The following BFSP1 variants were observed in gnomAD, a reference collection of about 807,000 sequenced individuals.
The protein encoded by BFSP1 is filensin.
Under a neutral mutation model 43.9 loss-of-function variants are expected in BFSP1, and 38 were observed. That is an observed-to-expected ratio of 0.87 (90% CI 0.67 to 1.14). BFSP1 has a LOEUF of 1.14. Among genes scored for constraint, BFSP1 ranks in the 50% most tolerant of loss-of-function variants. The pLI, the probability that BFSP1 is intolerant of heterozygous loss-of-function variation, is 0.00. For synonymous variants in BFSP1, 352 were observed against 354.8 expected, an observed-to-expected ratio of 0.99 and a Z score of 0.09; for missense variants, 850 against 875.1, an observed-to-expected ratio of 0.97 and a Z score of 0.36.
At chr20:17,522,325 G>C (rs1229717757) in intron 2 of BFSP1, among the ~76,000 whole-genome samples, 1 of 152,130 alleles carries the variant, frequency 6.6e-6, no homozygotes, top group South Asian at 2.1e-4. Flanking sequence ...TTTGGAATAG[G>C]TCATTTCTGA....
chr20:17,541,520 A>C (rs1302573270), intron 1 of BFSP1, among the ~76,000 whole-genome samples: 1 of 152,240 alleles, frequency 6.6e-6, no homozygotes. Flanking sequence ...ACAAAAATAC[A>C]TTTATTAAGA....
chr20:17,558,817 G>A (rs1456432826), exon 1 of BFSP1: 3 of 1,365,208 alleles, frequency 2.2e-6, no homozygotes, highest in East Asian at 5.0e-5. Context: ...CAGAGGGCCA[G>A]GTCTGGGCTG....
In BFSP1 at chr20:17,498,835, TCGATGATA is replaced by T; in HGVS notation, c.933_940del (p.Ile312AspfsTer2). On this transcript the variant is annotated frameshift_variant, in exon 6 of 8. Coordinates refer to ENST00000377873, the MANE Select transcript of BFSP1 (RefSeq NM_001195.5). LOFTEE classifies it high-confidence loss of function. ...ACACGCTCACCTGTTGCCTTCAATC[TCGATGATA>T]CGATGATACCGGTCCAGCTCATTCT... 1.2e-6 allele frequency: 2 copies of T among 1,612,950 alleles called. No homozygotes were observed. The highest frequency in any genetic ancestry group is 1.7e-6 in the Non-Finnish European group (2 of 1,180,000).
At position 17,540,895 on chromosome 20, in the gene BFSP1, T is replaced by C. The variant is rs544576622; in HGVS notation, c.3-15987A>G. ...GTTTCCCACTGTTGCTACTACACCA[T>C]GGGCACTTCACCATGCTTTGTTGAT... On this transcript the variant is annotated intron_variant, in intron 1 of 7. Transcript: ENST00000377868. 5.3e-5 allele frequency among the ~76,000 whole-genome samples: 8 copies of C among 152,328 alleles called. No individual in the cohort carries two copies. In the East Asian group the frequency reaches 1.2e-3, roughly 22 times the overall value.
chr20:17,506,672 G>A (rs550100933), intron 5 of BFSP1, among the ~76,000 whole-genome samples: 3 of 151,614 alleles, frequency 2.0e-5, no homozygotes, highest in South Asian at 2.1e-4. Flanking sequence ...CCACAGGCAC[G>A]CACCACCACG....
intron 5 of BFSP1, among the ~76,000 whole-genome samples, chr20:17,501,784 C>T (rs1220794830): frequency 6.6e-6 from 1 of 152,184 alleles, no homozygotes; most frequent in Non-Finnish European, 1.5e-5. Flanking sequence ...ACCCCACTCT[C>T]CTGTGCAGAG....
rs536295719 is a variant in BFSP1, at chr20:17,510,432, G to C, written c.628-1436C>G. On this transcript the variant is annotated intron_variant, in intron 4 of 7. Transcript: ENST00000377873. The stretch of plus-strand genomic sequence containing the variant: ...GGAATCTCTGGGAAAGAAAATTAAG[G>C]CTTCAGGAAAAGTTTTTTTAGGCCT... 3.3e-5 allele frequency among the ~76,000 whole-genome samples: 5 copies of C among 152,266 alleles called. No homozygotes were observed. The East Asian group carries it at 5.8e-4, about 18-fold the overall frequency.
intron 1 of BFSP1, among the ~76,000 whole-genome samples, chr20:17,556,315 C>A (rs917547148): frequency 3.3e-5 from 5 of 151,768 alleles, no homozygotes; most frequent in African/African-American, 1.2e-4. Context: ...CCAGCCTGGG[C>A]AACATAGCAA....
upstream of BFSP1, among the ~76,000 whole-genome samples, chr20:17,562,122 A>G (rs1259371532): frequency 1.3e-5 from 2 of 151,494 alleles, no homozygotes; most frequent in Non-Finnish European, 2.9e-5. Context: ...GGGTTTCACT[A>G]TGTTGGCCAG....
rs1040596803 is a variant in BFSP1 at position 17,531,246 on chromosome 20, C to T, written c.84G>A (p.Glu28=). 1.4e-6 allele frequency: 2 copies of T among 1,418,176 alleles called. No homozygotes were observed. The highest frequency in any genetic ancestry group is 3.0e-5 in the African/African-American group (2 of 67,350). The allele number at this position is 1,418,176 out of a possible 1,614,324, so 87.8% of individuals were successfully genotyped here. Residue 28 remains glutamate, a synonymous_variant, in exon 1 of 8, where the codon GAG becomes GAA. Transcript: ENST00000377873. ...CAGCCCAGCCCTCGTCGGCCGGGCG[C>T]TCGGGCTCGGCGGCGCGCGAAGCCT... ...ADEASRAAEP[E]RPADEGWAGA...
chr20:17,517,705 T>G (rs1237937432), intron 2 of BFSP1, among the ~76,000 whole-genome samples: 3 of 152,238 alleles, frequency 2.0e-5, no homozygotes, highest in Admixed American at 2.0e-4. Context: ...CATCATGTAA[T>G]CAATAAGTTA....
chr20:17,500,552 C>A (rs1432810369), intron 5 of BFSP1, among the ~76,000 whole-genome samples: 1 of 152,200 alleles, frequency 6.6e-6, no homozygotes. Context: ...CAATTATGTA[C>A]AACACATAAT....
At chr20:17,559,814 C>T (rs2035050810), upstream of BFSP1, among the ~76,000 whole-genome samples, 1 of 152,100 alleles carries the variant, frequency 6.6e-6, no homozygotes, top group African/African-American at 2.4e-5. Context: ...CCCCCGCCAA[C>T]CATCCCCCTG....
chr20:17,536,136 C>T (rs2034625314), upstream of BFSP1, among the ~76,000 whole-genome samples: 1 of 152,064 alleles, frequency 6.6e-6, no homozygotes, highest in African/African-American at 2.4e-5. Context: ...ATGCTTATAA[C>T]AAACTTGAAG....
chr20:17,524,729 G>T, intron 2 of BFSP1, 119 bp downstream of exon 2: 1 of 1,089,430 alleles, frequency 9.2e-7, no homozygotes, highest in Non-Finnish European at 1.4e-6. Context: ...CAGAGTGACT[G>T]CAAAAGAAGT....
intron 4 of BFSP1, among the ~76,000 whole-genome samples, chr20:17,511,078 T>C (rs1242213160): frequency 6.6e-6 from 1 of 151,840 alleles, no homozygotes; most frequent in Non-Finnish European, 1.5e-5. Flanking sequence ...TCCTGAGTAG[T>C]TGGGATTACA....
intron 5 of BFSP1, among the ~76,000 whole-genome samples, chr20:17,505,057 T>C (rs2033901468): frequency 6.6e-6 from 1 of 152,200 alleles, no homozygotes; most frequent in South Asian, 2.1e-4. Context: ...CTTTGCAATT[T>C]TAAAAAGTGA....
At chr20:17,567,422 C>T (rs2035131821) in intron 1 of BFSP1, among the ~76,000 whole-genome samples, 1 of 152,110 alleles carries the variant, frequency 6.6e-6, no homozygotes, top group Non-Finnish European at 1.5e-5. Context: ...AATTACAGAG[C>T]TACAGTAATT....
Position 17,524,994 on chromosome 20 carries a change from G to A in BFSP1, c.378-86C>T, listed in dbSNP as rs186482302. The A allele has an allele frequency of 0.01, 12,006 of 1,176,984 alleles. 95 individuals carry two copies. Among genetic ancestry groups the A allele is most frequent in the South Asian group, 0.013 (1,088 of 82,130 alleles). The allele number at this position is 1,176,984 out of a possible 1,614,324, so 72.9% of individuals were successfully genotyped here. A position where few individuals can be genotyped will look rare whatever the true frequency, so the allele number is the denominator to read the frequency against. ...ACATAATCAGCATTAAATTCAACCT[G>A]GGTACGATGCCCTCTCCTTTAAGGA... On this transcript the variant is annotated intron_variant, in intron 1 of 7. Coordinates refer to ENST00000377873, the MANE Select transcript of BFSP1 (RefSeq NM_001195.5).
Sources: allele counts gnomAD v4.1 joint callset (sites outside exome capture counted in the v4.1 genomes callset), GRCh38; gene constraint gnomAD v4.1.1; transcripts MANE v1.5; gene names NCBI Gene and HGNC (gene_info 2026-07-23, HGNC 2026-07-21).